DOCK10: variants seen among roughly 807,000 people sequenced by gnomAD.
DOCK10 encodes dedicator of cytokinesis protein 10.
Under a neutral mutation model 280.1 loss-of-function variants are expected in DOCK10, and 145 were observed. The ratio of observed to expected loss-of-function variants is 0.52; its 90% CI spans 0.45 to 0.59. The LOEUF is 0.59. Among genes scored for constraint, DOCK10 ranks in the 20% least tolerant of loss-of-function variants. DOCK10 has a pLI of 0.00. For synonymous variants in DOCK10, 915 were observed against 942.2 expected (o/e 0.97, Z 0.53); for missense variants, 2,368 against 2,651.7 (o/e 0.89, Z 2.35).
intron 1 of DOCK10, among the ~76,000 whole-genome samples, chr2:225,035,920 G>A (rs955921795): frequency 1.3e-5 from 2 of 151,598 alleles, no homozygotes; most frequent in African/African-American, 4.9e-5. Flanking sequence ...ATCATAAGAG[G>A]TCCACTCTCA....
chr2:224,967,643 G>A (rs1704850856), intron 1 of DOCK10, among the ~76,000 whole-genome samples: 1 of 151,640 alleles, frequency 6.6e-6, no homozygotes, highest in Non-Finnish European at 1.5e-5. Flanking sequence ...TGTGTTGTGT[G>A]TACTACACCA....
chr2:224,826,680 A>C (rs1474241321), intron 27 of DOCK10, among the ~76,000 whole-genome samples: 1 of 151,588 alleles, frequency 6.6e-6, no homozygotes, highest in Non-Finnish European at 1.5e-5. Flanking sequence ...CTTGAGCCCA[A>C]GAGTTCGAGA....
intron 1 of DOCK10, among the ~76,000 whole-genome samples, chr2:225,023,284 T>C (rs758307385): frequency 6.6e-6 from 1 of 152,080 alleles, no homozygotes; most frequent in Non-Finnish European, 1.5e-5. Context: ...GATCTGCCCA[T>C]CTTGGCCTCC....
At chr2:225,012,782 T>A (rs1050467195) in intron 1 of DOCK10, among the ~76,000 whole-genome samples, 1 of 152,134 alleles carries the variant, frequency 6.6e-6, no homozygotes, top group African/African-American at 2.4e-5. Context: ...ACAAAAACTA[T>A]AAAATAGGTA....
At chr2:224,832,354 A>G (rs960094407) in intron 26 of DOCK10, among the ~76,000 whole-genome samples, 2 of 152,196 alleles carry the variant, frequency 1.3e-5, no homozygotes, top group African/African-American at 4.8e-5. Flanking sequence ...TGGGGGGATC[A>G]CATATGGTCA....
Position 224,834,270 on chromosome 2 carries a change from A to G in DOCK10, c.2851-7T>C, listed in dbSNP as rs771431025. ...CCCTGGTCTTGAACACGAACTGAAG[A>G]AAATCCAAAAAGTGAATAAAGTTAA... On this transcript the variant is annotated splice_polypyrimidine_tract_variant and splice_region_variant and intron_variant, in intron 25 of 55. Coordinates refer to ENST00000258390, the MANE Select transcript of DOCK10 (RefSeq NM_014689.3). 1 of 1,505,396 alleles carries G rather than the reference A, an allele frequency of 6.6e-7. No homozygotes were observed. Among genetic ancestry groups the G allele is most frequent in the Non-Finnish European group, 9.2e-7 (1 of 1,085,058 alleles). 93.3% of individuals were successfully genotyped at this position (1,505,396 alleles called of 1,614,324 possible). A position where few individuals can be genotyped will look rare whatever the true frequency, so the allele number is the denominator to read the frequency against.
rs375243034 is a variant in DOCK10 at position 225,000,647 on chromosome 2, C to G, written c.123+41605G>C. 1.7e-4 allele frequency among the ~76,000 whole-genome samples: 26 copies of G among 152,250 alleles called. No homozygotes were observed. In the South Asian group the frequency reaches 5.2e-3, roughly 30 times the overall value. Reference sequence around the variant, plus strand: ...GAGCCAGCCATGCTTCTGTGTCTTTCCCTCAGAGAAAGGTTGCCCGAAACA... The same window carrying G: ...GAGCCAGCCATGCTTCTGTGTCTTTGCCTCAGAGAAAGGTTGCCCGAAACA... On this transcript the variant is annotated intron_variant, in intron 1 of 55. Transcript: ENST00000258390.
At chr2:224,779,541 C>T (rs746201122) in intron 50 of DOCK10, among the ~76,000 whole-genome samples, 2 of 151,982 alleles carry the variant, frequency 1.3e-5, no homozygotes, top group Non-Finnish European at 2.9e-5. Context: ...TAAGGAAATG[C>T]CTTTTGAGGT....
At position 224,852,400 on chromosome 2, in the gene DOCK10, C is replaced by T. The variant is rs200829813; in HGVS notation, c.2119G>A (p.Glu707Lys). 8.7e-4 allele frequency: 1,365 copies of T among 1,572,932 alleles called. 3 individuals are homozygous for T. Among genetic ancestry groups the T allele is most frequent in the Non-Finnish European group, 1.1e-3 (1,270 of 1,158,044 alleles). The stretch of plus-strand genomic sequence containing the variant: ...ACCTTCAGGGGCTTGGCACTTTCTT[C>T]ATCTGAATTTTTGAATTCAATGCAC... ...TVCIEFKNSD[E>K]ESAKPLKCIY... The change falls in exon 18 of 56, where the codon GAA becomes AAA. Residue 707 changes from glutamate (E) to lysine (K), a missense_variant. Glu to Lys is a moderately conservative substitution (Grantham distance 56, BLOSUM62 1). Coordinates refer to ENST00000258390, the MANE Select transcript of DOCK10 (RefSeq NM_014689.3).
chr2:224,934,019 T>C (rs1702545628), intron 1 of DOCK10, among the ~76,000 whole-genome samples: 1 of 152,096 alleles, frequency 6.6e-6, no homozygotes, highest in African/African-American at 2.4e-5. Flanking sequence ...AAATCAGAGC[T>C]CCCAAGTCAC....
intron 18 of DOCK10, among the ~76,000 whole-genome samples, chr2:224,850,662 C>T (rs545332029): frequency 2.0e-5 from 3 of 152,080 alleles, no homozygotes; most frequent in African/African-American, 4.8e-5. Context: ...ATTATAATCC[C>T]GACATGCCAA....
intron 1 of DOCK10, among the ~76,000 whole-genome samples, chr2:224,959,834 C>T (rs1704262303): frequency 6.6e-6 from 1 of 152,182 alleles, no homozygotes; most frequent in South Asian, 2.1e-4. Context: ...CAGTTTTGTC[C>T]CCCTCTGCTC....
At position 224,823,609 on chromosome 2, in the gene DOCK10, A is replaced by G; in HGVS notation, c.3075T>C (p.Asn1025=). Reference sequence around the variant, plus strand: ...GGACCATGACAAGATTGTCCAATTCATTTTGGTAAGATTCAGGAAATCTCT... The same window carrying G: ...GGACCATGACAAGATTGTCCAATTCGTTTTGGTAAGATTCAGGAAATCTCT... ...RPQRFPESYQ[N]ELDNLVMVLS... is the part of the protein sequence containing the mutation. Residue 1025 remains asparagine (N), a synonymous_variant, in exon 28 of 56, where the codon AAT becomes AAC. Coordinates refer to ENST00000258390, the MANE Select transcript of DOCK10 (RefSeq NM_014689.3). The G allele has an allele frequency of 6.2e-7, 1 of 1,604,084 alleles. No homozygotes were observed. The highest frequency in any genetic ancestry group is 8.5e-7 in the Non-Finnish European group (1 of 1,176,854).
intron 1 of DOCK10, among the ~76,000 whole-genome samples, chr2:224,960,128 TG>T (rs970349287): frequency 6.6e-6 from 1 of 152,164 alleles, no homozygotes; most frequent in Admixed American, 6.5e-5. Context: ...AAAACAGCCA[TG>T]ATTTATACCA....
At chr2:224,984,881 G>C (rs1296789101) in intron 1 of DOCK10, among the ~76,000 whole-genome samples, 1 of 138,600 alleles carries the variant, frequency 7.2e-6, no homozygotes. Flanking sequence ...TCGCTCTATC[G>C]CCCAGGCTGG....
At chr2:224,969,117 G>T (rs1434757384) in intron 1 of DOCK10, among the ~76,000 whole-genome samples, 3 of 152,130 alleles carry the variant, frequency 2.0e-5, no homozygotes, top group Non-Finnish European at 2.9e-5. Context: ...TTAGGCTCCT[G>T]GCTTTTGCCA....
chr2:224,773,038 GT>G, intron 53 of DOCK10, 118 bp downstream of exon 53: 1 of 915,050 alleles, frequency 1.1e-6, no homozygotes, highest in East Asian at 2.7e-5. Flanking sequence ...AGATAAAGGT[GT>G]TCTATTCTCA....
intron 50 of DOCK10, among the ~76,000 whole-genome samples, chr2:224,779,646 G>A (rs1318148968): frequency 6.6e-6 from 1 of 152,050 alleles, no homozygotes; most frequent in East Asian, 1.9e-4. Context: ...AAAAGCATAG[G>A]CAAAGTGTTC....
Position 224,888,380 on chromosome 2 carries a change from G to A in DOCK10, c.417-1849C>T, listed in dbSNP as rs573731189. Among the ~76,000 whole-genome samples the A allele has an allele frequency of 4.6e-5, 7 of 151,944 alleles. No individual in the cohort carries two copies. In the South Asian group the frequency reaches 1.0e-3, roughly 23 times the overall value. On this transcript the variant is annotated intron_variant, in intron 4 of 55. Transcript: ENST00000258390. Reference sequence around the variant, plus strand: ...GTGTCTGTATGTATTGTATGTATATGTGTGTGAATATATATGTGTGTGCAT... The same window carrying A: ...GTGTCTGTATGTATTGTATGTATATATGTGTGAATATATATGTGTGTGCAT...
Sources: gnomAD v4.1 joint callset for allele counts (sites outside exome capture counted in the v4.1 genomes callset) on GRCh38, gnomAD v4.1.1 for gene constraint, MANE v1.5 for transcripts, NCBI Gene and HGNC (gene_info 2026-07-23, HGNC 2026-07-21) for gene names.